NBAS: variants seen among roughly 807,000 people sequenced by gnomAD.
NBAS encodes NAG/BC035112 fusion.
NBAS carries 219 observed loss-of-function variants against 302.5 expected under a neutral mutation model. The ratio of observed to expected loss-of-function variants is 0.72; its 90% CI spans 0.65 to 0.81. The LOEUF is 0.81. Among genes scored for constraint, NBAS ranks in the 30% least tolerant of loss-of-function variants. NBAS has a pLI of 0.00. For missense variants in NBAS, 2,932 were observed against 2,841.6 expected (o/e 1.03, Z -0.72); for synonymous variants, 1,118 against 1,021.6 (o/e 1.09, Z -1.80).
the NBAS span, among the ~76,000 whole-genome samples, chr2:14,966,765 T>C: frequency 6.6e-6 from 1 of 152,198 alleles, no homozygotes; most frequent in Non-Finnish European, 1.5e-5. Flanking sequence ...ACTCTCGCCG[T>C]TTCTATTCAG....
Position 15,495,647 on chromosome 2 carries a change from G to A in NBAS, c.955-6625C>T, listed in dbSNP as rs574686043. On this transcript the variant is annotated intron_variant, in intron 11 of 51. Transcript: ENST00000281513. ...CTTGTGGAGGGAGGGCGGGAACTGT[G>A]TTTGTGACAGGGTCCATAGAAGGTA... is the stretch of plus-strand genomic sequence containing the variant. Among the ~76,000 whole-genome samples, 8 of 152,280 alleles carry A rather than the reference G, an allele frequency of 5.3e-5. No homozygotes were observed. The South Asian group carries it at 1.7e-3, about 32-fold the overall frequency.
At position 15,523,061 on chromosome 2, in the gene NBAS, C is replaced by G. The variant is rs187380521; in HGVS notation, c.746+11482G>C. Among the ~76,000 whole-genome samples, 5 of 152,288 alleles carry G rather than the reference C, an allele frequency of 3.3e-5. No homozygotes were observed. The East Asian group carries it at 9.7e-4, about 29-fold the overall frequency. On this transcript the variant is annotated intron_variant, in intron 9 of 51. Coordinates refer to ENST00000281513, the MANE Select transcript of NBAS (RefSeq NM_015909.4). ...TGCAGATTCAACCTATGGCACATAT[C>G]GAGCAATTCAACTTTTTCTTGTCAT...
At chr2:15,152,788 A>C in the NBAS span, among the ~76,000 whole-genome samples, 8 of 152,366 alleles carry the variant, frequency 5.3e-5, no homozygotes, top group African/African-American at 1.9e-4. Context: ...TATTTGCAGC[A>C]AGAAGTGGAC....
At chr2:15,460,672 AC>A (rs1679465762) in intron 21 of NBAS, among the ~76,000 whole-genome samples, 1 of 152,232 alleles carries the variant, frequency 6.6e-6, no homozygotes, top group South Asian at 2.1e-4. Flanking sequence ...AGGCTTTGAC[AC>A]TATATCACAT....
chr2:15,461,016 G>C (rs904509670), intron 21 of NBAS, among the ~76,000 whole-genome samples, 185 bp downstream of exon 21: 1 of 152,066 alleles, frequency 6.6e-6, no homozygotes, highest in Non-Finnish European at 1.5e-5. Flanking sequence ...ATTAAGTTAA[G>C]GTAAGCCTGT....
intron 47 of NBAS, among the ~76,000 whole-genome samples, chr2:15,231,442 A>G (rs1476752233): frequency 1.3e-5 from 2 of 152,196 alleles, no homozygotes; most frequent in African/African-American, 4.8e-5. Context: ...ATTTAGAGCC[A>G]GGGTGGAATC....
chr2:15,530,575 T>C (rs561642402), intron 9 of NBAS, among the ~76,000 whole-genome samples: 169 of 152,178 alleles, frequency 1.1e-3, no homozygotes, highest in Non-Finnish European at 1.8e-3. Context: ...AACTACTTTC[T>C]TCAATAAGTA....
At chr2:15,530,474 T>C (rs1416400759) in intron 9 of NBAS, among the ~76,000 whole-genome samples, 2 of 151,996 alleles carry the variant, frequency 1.3e-5, no homozygotes, top group East Asian at 3.8e-4. Context: ...TATAGATTTT[T>C]CAAAATAAAA....
the NBAS span, among the ~76,000 whole-genome samples, chr2:14,988,821 C>A: frequency 6.6e-6 from 1 of 152,066 alleles, no homozygotes; most frequent in Non-Finnish European, 1.5e-5. Flanking sequence ...AACTGATAAA[C>A]CCCTAGTACT....
At chr2:14,979,445 A>T in the NBAS span, among the ~76,000 whole-genome samples, 1 of 152,190 alleles carries the variant, frequency 6.6e-6, no homozygotes. Flanking sequence ...CTACAAGACC[A>T]CTTTCAACCA....
the NBAS span, among the ~76,000 whole-genome samples, chr2:15,040,989 A>G: frequency 6.6e-6 from 1 of 152,170 alleles, no homozygotes; most frequent in Non-Finnish European, 1.5e-5. Context: ...TCATCCCCTC[A>G]AATCTAACCT....
At chr2:14,995,892 T>C in the NBAS span, among the ~76,000 whole-genome samples, 1 of 152,120 alleles carries the variant, frequency 6.6e-6, no homozygotes, top group Non-Finnish European at 1.5e-5. Flanking sequence ...TATCTTCTAA[T>C]GCCCAGCCTG....
At chr2:15,510,161 T>G (rs1307237741) in intron 10 of NBAS, among the ~76,000 whole-genome samples, 1 of 152,264 alleles carries the variant, frequency 6.6e-6, no homozygotes, top group African/African-American at 2.4e-5. Flanking sequence ...GTGCTCACTT[T>G]CATACAGTTT....
the NBAS span, among the ~76,000 whole-genome samples, chr2:14,886,309 C>T: frequency 6.6e-6 from 1 of 152,198 alleles, no homozygotes; most frequent in African/African-American, 2.4e-5. Flanking sequence ...TTTCAAATCT[C>T]TATGCTGTCC....
chr2:14,873,923 C>A, the NBAS span, among the ~76,000 whole-genome samples: 1 of 151,438 alleles, frequency 6.6e-6, no homozygotes, highest in African/African-American at 2.4e-5. Context: ...GCAAATTAAG[C>A]ACAAAATAAT....
In NBAS at chr2:15,535,551, T is replaced by TAAATAAACAAAC. The variant is rs1553334458; in HGVS notation, c.647+866_647+867insGTTTGTTTATTT. The stretch of plus-strand genomic sequence containing the variant: ...ATAAATAAATAAATAAATAAATAAA[T>TAAATAAACAAAC]AAATAAATAAATAAAAATAAAAAAA... On this transcript the variant is annotated intron_variant, in intron 8 of 51. Transcript: ENST00000281513. 1.1e-3 allele frequency among the ~76,000 whole-genome samples: 164 copies of TAAATAAACAAAC among 147,850 alleles called. 2 individuals are homozygous for TAAATAAACAAAC. Among genetic ancestry groups the TAAATAAACAAAC allele is most frequent in the African/African-American group, 4.0e-3 (159 of 39,690 alleles).
At chr2:15,118,877 T>C in the NBAS span, among the ~76,000 whole-genome samples, 4 of 152,228 alleles carry the variant, frequency 2.6e-5, no homozygotes, top group African/African-American at 9.6e-5. Flanking sequence ...CTTCAGCCAC[T>C]ACATTCTGGG....
intron 35 of NBAS, among the ~76,000 whole-genome samples, chr2:15,339,353 G>T (rs114356256): frequency 6.6e-6 from 1 of 151,998 alleles, no homozygotes; most frequent in Non-Finnish European, 1.5e-5. Flanking sequence ...TAGGGAAGAA[G>T]GGAAAATAAG....
the NBAS span, among the ~76,000 whole-genome samples, chr2:14,829,025 G>A: frequency 3.4e-3 from 515 of 151,790 alleles, 1 homozygote; most frequent in Non-Finnish European, 5.6e-3. Flanking sequence ...TTGCCTGGTG[G>A]TGATTTTTGT....
Sources: allele counts gnomAD v4.1 joint callset (sites outside exome capture counted in the v4.1 genomes callset), GRCh38; gene constraint gnomAD v4.1.1; transcripts MANE v1.5; gene names NCBI Gene and HGNC (gene_info 2026-07-23, HGNC 2026-07-21).